The following PRDM2 variants were observed in gnomAD, a reference collection of about 807,000 sequenced individuals.
PRDM2 encodes the protein PR/SET domain 2, also known as PR domain zinc finger protein 2.
A neutral mutation model predicts 130.0 loss-of-function variants in PRDM2; 30 were observed. That is an observed-to-expected ratio of 0.23 (90% CI 0.17 to 0.31). PRDM2 has a LOEUF of 0.31. Ranked by LOEUF, PRDM2 falls within the 10% of genes least tolerant of loss-of-function variation. The probability of loss-of-function intolerance (pLI) is 1.00; values close to 1 mark genes in which losing one functional copy is unlikely to be tolerated. For synonymous variants in PRDM2, 871 were observed against 782.4 expected (o/e 1.11, Z -1.89); for missense variants, 2,011 against 2,108.4 (o/e 0.95, Z 0.90).
chr1:13,750,477 A>T (rs1643792061), intron 6 of PRDM2, among the ~76,000 whole-genome samples: 1 of 152,088 alleles, frequency 6.6e-6, no homozygotes, highest in African/African-American at 2.4e-5. Flanking sequence ...TTTATCCAGA[A>T]CATTGCAAAG....
rs1645090624 is a variant in PRDM2, at chr1:13,806,663, G to C, written c.5037-9764G>C. On this transcript the variant is annotated intron_variant, in intron 8 of 9. Transcript: ENST00000311066. The surrounding 1 kb of genome is among the most constrained non-coding windows in gnomAD (Gnocchi z 4.1). ...GCCTCCTCAGCTGACCTGAGGTCCA[G>C]GCCACCATCATCTCCCTGGATGGTG... Among the ~76,000 whole-genome samples, 1 of 152,058 alleles carries C rather than the reference G, an allele frequency of 6.6e-6. No homozygotes were observed. Among genetic ancestry groups the C allele is most frequent in the South Asian group, 2.1e-4 (1 of 4,816 alleles).
At chr1:13,716,519 C>T (rs1037141328) in intron 2 of PRDM2, among the ~76,000 whole-genome samples, 9 of 152,078 alleles carry the variant, frequency 5.9e-5, no homozygotes, top group Non-Finnish European at 1.0e-4. Context: ...AAAGAAGAAA[C>T]TTTAAGCATT....
chr1:13,704,047 T>C (rs1399712620), intron 1 of PRDM2, among the ~76,000 whole-genome samples: 4 of 152,370 alleles, frequency 2.6e-5, no homozygotes, highest in South Asian at 4.1e-4. Context: ...TGCCAAATCC[T>C]TATTTGTAAT....
In PRDM2 at chr1:13,781,266, T is replaced by G; in HGVS notation, c.3471T>G (p.Ala1157=). 1 of 1,614,236 alleles carries G rather than the reference T, an allele frequency of 6.2e-7. No homozygotes were observed. The highest frequency in any genetic ancestry group is 8.5e-7 in the Non-Finnish European group (1 of 1,180,042). Reference sequence around the variant, plus strand: ...TAACCAAACATTTATCTATTCATGCTGAAGAATGGCCCTTCAAATGTGAAT... The same window carrying G: ...TAACCAAACATTTATCTATTCATGCGGAAGAATGGCCCTTCAAATGTGAAT... ...KDLTKHLSIH[A]EEWPFKCEFC... The change falls in exon 8 of 10, where the codon GCT becomes GCG. Residue 1157 remains alanine (A), a synonymous_variant. Transcript: ENST00000311066. The surrounding 1 kb of genome is among the most constrained non-coding windows in gnomAD (Gnocchi z 6.1).
chr1:13,731,900 A>G (rs1643123516), intron 3 of PRDM2, among the ~76,000 whole-genome samples: 2 of 152,196 alleles, frequency 1.3e-5, no homozygotes, highest in South Asian at 4.1e-4. Context: ...CAGTTTGAAC[A>G]TATTGTTCAA....
intron 8 of PRDM2, among the ~76,000 whole-genome samples, chr1:13,813,755 A>G (rs919769884): frequency 6.6e-6 from 1 of 152,066 alleles, no homozygotes; most frequent in African/African-American, 2.4e-5. Flanking sequence ...TTTGCCCCCG[A>G]CCTACTCGTT....
At chr1:13,737,034 T>TTA (rs1364895262) in intron 4 of PRDM2, among the ~76,000 whole-genome samples, 2 of 152,258 alleles carry the variant, frequency 1.3e-5, no homozygotes, top group South Asian at 2.1e-4. Context: ...CAGGTGAGTT[T>TTA]TATAGTCTTC....
intron 6 of PRDM2, among the ~76,000 whole-genome samples, chr1:13,765,546 G>A (rs1261920080): frequency 2.6e-5 from 4 of 151,848 alleles, no homozygotes; most frequent in Non-Finnish European, 5.9e-5. Context: ...GCTCACTGCA[G>A]CCTCCGCCTC....
At chr1:13,757,628 A>G (rs1454685268) in intron 6 of PRDM2, among the ~76,000 whole-genome samples, 1 of 152,170 alleles carries the variant, frequency 6.6e-6, no homozygotes. Flanking sequence ...TGTGTAGTCT[A>G]AAGATTAATT....
At chr1:13,789,772 A>T (rs1268193219) in intron 8 of PRDM2, among the ~76,000 whole-genome samples, 1 of 152,240 alleles carries the variant, frequency 6.6e-6, no homozygotes, top group African/African-American at 2.4e-5. Context: ...GCACAGGCGG[A>T]TGAGAAAAGG....
rs752205819 is a variant in PRDM2, at chr1:13,781,883, G to A, written c.4088G>A (p.Arg1363Lys). 1 of 1,614,100 alleles carries A rather than the reference G, an allele frequency of 6.2e-7. No individual in the cohort carries two copies. The highest frequency in any genetic ancestry group is 8.5e-7 in the Non-Finnish European group (1 of 1,180,022). The change falls in exon 8 of 10, where the codon AGG becomes AAG. Residue 1363 changes from arginine (R) to lysine (K), a missense_variant. Physicochemically the swap from Arg to Lys is conservative, Grantham distance 26. Coordinates refer to ENST00000311066, the MANE Select transcript of PRDM2 (RefSeq NM_001393986.1). The surrounding 1 kb of genome is among the most constrained non-coding windows in gnomAD (Gnocchi z 6.1). ...TGTGCTTCTGCAAGTGACAAGAAGAGGTACACGCCTAAGAAAAACCCAGTA... is the reference window on the plus strand; with the variant it reads ...TGTGCTTCTGCAAGTGACAAGAAGAAGTACACGCCTAAGAAAAACCCAGTA... ...LACASASDKK[R>K]YTPKKNPVPL...
At chr1:13,793,937 C>T (rs1203639) in intron 8 of PRDM2, among the ~76,000 whole-genome samples, 51,318 of 152,106 alleles carry the variant, frequency 0.34, 9,365 homozygotes, top group Admixed American at 0.48. Context: ...TGGGGAGCTC[C>T]AGACATTGAT....
intron 8 of PRDM2, chr1:13,788,062 TAAA>T (rs1478668853): frequency 1.5e-5 from 15 of 979,282 alleles, no homozygotes; most frequent in Non-Finnish European, 1.8e-5. Context: ...TTGTAACCAA[TAAA>T]AAACTTTCTA....
chr1:13,723,353 C>T (rs1411739986), intron 2 of PRDM2, among the ~76,000 whole-genome samples: 2 of 152,188 alleles, frequency 1.3e-5, no homozygotes, highest in Non-Finnish European at 2.9e-5. Flanking sequence ...AGGACCTGCC[C>T]CTTCTCTTGG....
chr1:13,716,915 C>T (rs1019821626), intron 2 of PRDM2, among the ~76,000 whole-genome samples: 15 of 151,220 alleles, frequency 9.9e-5, no homozygotes, highest in African/African-American at 3.6e-4. Context: ...ATTTTGTATC[C>T]CTCATCAACT....
In PRDM2 at chr1:13,779,902, C is replaced by A; in HGVS notation, c.2107C>A (p.Pro703Thr). Reference protein sequence around the residue: ...QLLQTQDKLTPAGISATEIAK... With the variant: ...QLLQTQDKLTTAGISATEIAK... ...TCTTCAAACCCAAGATAAACTAACTCCTGCAGGGATTTCAGCAACTGAAAT... is the reference window on the plus strand; with the variant it reads ...TCTTCAAACCCAAGATAAACTAACTACTGCAGGGATTTCAGCAACTGAAAT... Residue 703 changes from proline (P) to threonine (T), a missense_variant, in exon 8 of 10, where the codon CCT becomes ACT. Physicochemically the swap from Pro to Thr is conservative, Grantham distance 38. Transcript: ENST00000311066. The surrounding 1 kb of genome is among the most constrained non-coding windows in gnomAD (Gnocchi z 4.9). The A allele has an allele frequency of 6.2e-7, 1 of 1,613,910 alleles. No individual in the cohort carries two copies. The highest frequency in any genetic ancestry group is 8.5e-7 in the Non-Finnish European group (1 of 1,179,966).
intron 8 of PRDM2, among the ~76,000 whole-genome samples, chr1:13,793,307 T>C (rs1328020515): frequency 6.6e-6 from 1 of 152,206 alleles, no homozygotes; most frequent in East Asian, 1.9e-4. Context: ...GGCTGATGGC[T>C]GTGGTGGCGC....
rs148083107 is a variant in PRDM2 at position 13,782,528 on chromosome 1, C to T, written c.4733C>T (p.Pro1578Leu). 2,736 of 1,614,028 alleles carry T rather than the reference C, an allele frequency of 1.7e-3. 14 individuals are homozygous for T. The highest frequency in any genetic ancestry group is 7.9e-3 in the Admixed American group (477 of 60,008). ...PSSSSLRNSS[P>L]IRMAKITHVE... ...TCCTCCTCTTTAAGGAACTCCAGCC[C>T]GATAAGAATGGCCAAAATAACTCAT... is the stretch of plus-strand genomic sequence containing the variant. Residue 1578 changes from proline (P) to leucine (L), a missense_variant, in exon 8 of 10, where the codon CCG (proline) becomes CTG (leucine). By Grantham distance (98) the Pro-to-Leu change is moderately conservative. Transcript: ENST00000311066.
chr1:13,781,657 C>A lies in PRDM2; in HGVS notation c.3862C>A (p.Arg1288=). 6.2e-7 allele frequency: 1 copy of A among 1,613,970 alleles called. No homozygotes were observed. The highest frequency in any genetic ancestry group is 8.5e-7 in the Non-Finnish European group (1 of 1,180,018). ...SGIKTKDPDV[R]LGLNQHYPSF... Reference sequence around the variant, plus strand: ...AATAAAGACAAAAGATCCAGATGTTCGATTGGGCCTCAATCAGCATTACCC... The same window carrying A: ...AATAAAGACAAAAGATCCAGATGTTAGATTGGGCCTCAATCAGCATTACCC... The change falls in exon 8 of 10, where the codon CGA becomes AGA. Residue 1288 remains arginine, a synonymous_variant. Coordinates refer to ENST00000311066, the MANE Select transcript of PRDM2 (RefSeq NM_001393986.1). The surrounding 1 kb of genome is among the most constrained non-coding windows in gnomAD (Gnocchi z 6.1).
Sources: gnomAD v4.1 joint callset for allele counts (sites outside exome capture counted in the v4.1 genomes callset) on GRCh38, gnomAD v4.1.1 for gene constraint, Gnocchi (gnomAD v3.1) non-coding constraint, MANE v1.5 for transcripts, NCBI Gene and HGNC (gene_info 2026-07-23, HGNC 2026-07-21) for gene names.